CAPN15: variants seen among roughly 807,000 people sequenced by gnomAD.
CAPN15 encodes calpain 15, also known as calpain-15.
CAPN15 carries 53 observed loss-of-function variants against 97.9 expected under a neutral mutation model. The ratio of observed to expected loss-of-function variants is 0.54; its 90% CI spans 0.43 to 0.68. The LOEUF (loss-of-function observed/expected upper bound fraction) is 0.68. CAPN15 is among the 30% of genes least tolerant of loss of function. CAPN15 has a pLI of 0.00. For synonymous variants in CAPN15, 922 were observed against 722.5 expected (o/e 1.28, Z -4.43); for missense variants, 1,592 against 1,589.8 (o/e 1.00, Z -0.02).
intron 3 of CAPN15, chr16:538,337 G>A (rs944251388): frequency 9.9e-5 from 15 of 151,804 alleles, no homozygotes; most frequent in Admixed American, 2.6e-4. Context: ...AAATGTAAAA[G>A]CCATTGTTGA....
chr16:552,566 C>T lies in CAPN15; in HGVS notation c.2737+36C>T, dbSNP rs765990768. On this transcript the variant is annotated intron_variant, in intron 11 of 13. Transcript: ENST00000219611. This position sits in a 1 kb window ranked among gnomAD's most constrained non-coding sequence, Gnocchi z 6.4. ...CCTACCCCAGGCTCATGCCCCAGGC[C>T]CACGGGGAGGGCTGCGGTTCACACG... 2.0e-5 allele frequency: 32 copies of T among 1,567,872 alleles called. No homozygotes were observed. The highest frequency in any genetic ancestry group is 2.8e-5 in the Non-Finnish European group (32 of 1,160,222).
rs545798516 is a variant in CAPN15 at position 549,136 on chromosome 16, C to T, written c.1593C>T (p.Ala531=). ...INCSVFRDHR[A]TWSVFHTLRP... is the part of the protein sequence containing the mutation. ...GCTCCGTCTTCAGGGACCACAGGGCCACGTGGTCTGTGTTCCACACACTGC... is the reference window on the plus strand; with the variant it reads ...GCTCCGTCTTCAGGGACCACAGGGCTACGTGGTCTGTGTTCCACACACTGC... The change falls in exon 5 of 14, where the codon GCC becomes GCT. Residue 531 remains alanine, a synonymous_variant. Transcript: ENST00000219611. 10 of 1,610,682 alleles carry T rather than the reference C, an allele frequency of 6.2e-6. No individual in the cohort carries two copies. In the South Asian group the frequency reaches 7.7e-5, roughly 12 times the overall value.
chr16:539,140 C>G (rs1039787026), intron 3 of CAPN15: 5 of 152,326 alleles, frequency 3.3e-5, no homozygotes, highest in Non-Finnish European at 7.3e-5. Flanking sequence ...TCAGGTGATC[C>G]CCCACGCACG....
rs2142048660 is a variant in CAPN15 at position 549,037 on chromosome 16, G to A, written c.1494G>A (p.Glu498=). The change falls in exon 5 of 14, where the codon GAG becomes GAA. Residue 498 remains glutamate, a synonymous_variant. Coordinates refer to ENST00000219611, the MANE Select transcript of CAPN15 (RefSeq NM_005632.3). ...ATGACAGCTTCCCTCCCGGGCCCGA[G>A]TCTGTCGGCTTCCCCGCGGGTGACA... is the stretch of plus-strand genomic sequence containing the variant. ...FVDDSFPPGP[E]SVGFPAGDSV... 2 of 1,612,780 alleles carry A rather than the reference G, an allele frequency of 1.2e-6. No individual in the cohort carries two copies. Among genetic ancestry groups the A allele is most frequent in the Non-Finnish European group, 1.7e-6 (2 of 1,179,932 alleles).
chr16:529,862 G>A (rs1030534941), intron 1 of CAPN15, among the ~76,000 whole-genome samples: 1 of 152,198 alleles, frequency 6.6e-6, no homozygotes. Flanking sequence ...CAGGAGACAC[G>A]GAGGGTGGGC....
intron 2 of CAPN15, among the ~76,000 whole-genome samples, chr16:534,232 A>AGGCGACGGTGAGGGCGGCCC (rs1491120895): frequency 3.3e-3 from 130 of 39,906 alleles, no homozygotes; most frequent in East Asian, 0.014. Flanking sequence ...GGGTCCCGAC[A>AGGCGACGGTGAGGGCGGCCC]GGGGTGTTTG....
Position 547,978 on chromosome 16 carries a change from C to G in CAPN15, c.1140C>G (p.His380Gln). ...AGGAGCATGGCGAGCCCCCCACCCA[C>G]TGCCCCGACTGTGGGGCCGACAAGC... ...GFQEHGEPPT[H>Q]CPDCGADKPS... The change falls in exon 4 of 14, where the codon CAC becomes CAG. Residue 380 changes from histidine to glutamine, a missense_variant. This residue lies in a region of CAPN15 where 883 missense variants were observed against 776.6 expected (regional missense o/e 1.14). Transcript: ENST00000219611. The G allele has an allele frequency of 6.3e-7, 1 of 1,582,340 alleles. No homozygotes were observed. The highest frequency in any genetic ancestry group is 8.6e-7 in the Non-Finnish European group (1 of 1,166,170).
chr16:548,400 G>C, intron 4 of CAPN15, 113 bp downstream of exon 4: 1 of 1,093,138 alleles, frequency 9.1e-7, no homozygotes. Context: ...GGCCTAAGAC[G>C]TGATGGGGAG....
chr16:540,592 C>T (rs560968757), intron 3 of CAPN15, among the ~76,000 whole-genome samples: 3 of 152,344 alleles, frequency 2.0e-5, no homozygotes, highest in East Asian at 1.9e-4. Flanking sequence ...CGCCCAATCC[C>T]GGCGGCCCTG....
rs139655944 is a variant in CAPN15, at chr16:551,650, C to T, written c.2331C>T (p.Tyr777=). The change falls in exon 9 of 14, where the codon TAC becomes TAT. Residue 777 remains tyrosine (Y), a synonymous_variant. Transcript: ENST00000219611. The part of the protein sequence containing the change: ...GSSEGVFWME[Y]GDFVRYFDSV... ...GTGAGGGTGTCTTCTGGATGGAGTACGGCGACTTTGTCAGGTATCGGCACC... is the reference window on the plus strand; with the variant it reads ...GTGAGGGTGTCTTCTGGATGGAGTATGGCGACTTTGTCAGGTATCGGCACC... 4.0e-4 allele frequency: 641 copies of T among 1,593,558 alleles called. No homozygotes were observed. The highest frequency in any genetic ancestry group is 8.3e-4 in the Middle Eastern group (5 of 6,052).
rs1357867635 is a variant in CAPN15, at chr16:549,220, C to T, written c.1658+19C>T. 9.8e-6 allele frequency: 1 copy of T among 102,106 alleles called. No homozygotes were observed. The highest frequency in any genetic ancestry group is 1.8e-5 in the Non-Finnish European group (1 of 56,500). 6.3% of individuals were successfully genotyped at this position (102,106 alleles called of 1,614,324 possible). ...ACTGCTGGTGAGGCCTTCTCCAAGGCCGGGGTGGGGCGGGTGGGCGGGCGA... is the reference window on the plus strand; with the variant it reads ...ACTGCTGGTGAGGCCTTCTCCAAGGTCGGGGTGGGGCGGGTGGGCGGGCGA... On this transcript the variant is annotated intron_variant, in intron 5 of 13. Transcript: ENST00000219611.
Position 552,904 on chromosome 16 carries a change from G to A in CAPN15, c.2946G>A (p.Trp982Ter). The A allele has an allele frequency of 6.2e-7, 1 of 1,611,194 alleles. No individual in the cohort carries two copies. Residue 982 changes from tryptophan to a stop codon, truncating the protein, a stop_gained, in exon 13 of 14, where the codon TGG becomes TGA. Coordinates refer to ENST00000219611, the MANE Select transcript of CAPN15 (RefSeq NM_005632.3). LOFTEE classifies it high-confidence loss of function. This position sits in a 1 kb window ranked among gnomAD's most constrained non-coding sequence, Gnocchi z 6.4. ...GMTCYYLTHG[W>*]AGLIVVVENR... ...CCTGCTACTACCTGACACACGGTTG[G>A]GCGGGGCTCATCGTGGTGGTGGAGA...
chr16:537,366 G>C (rs987894990), intron 3 of CAPN15: 8 of 985,638 alleles, frequency 8.1e-6, no homozygotes, highest in Non-Finnish European at 9.6e-6. Flanking sequence ...AAAGGCATCA[G>C]TGAGGAGCAG....
chr16:552,516 C>G lies in CAPN15; in HGVS notation c.2723C>G (p.Thr908Ser). 6.2e-7 allele frequency: 1 copy of G among 1,602,286 alleles called. No individual in the cohort carries two copies. The highest frequency in any genetic ancestry group is 2.2e-5 in the East Asian group (1 of 44,736). The change falls in exon 11 of 14, where the codon ACC becomes AGC. Residue 908 changes from threonine to serine, a missense_variant. By Grantham distance (58) the Thr-to-Ser change is moderately conservative. Transcript: ENST00000219611. This position sits in a 1 kb window ranked among gnomAD's most constrained non-coding sequence, Gnocchi z 6.4. ...FNHWGPPLPG[T>S]PAPQASSPSA... ...CACTGGGGGCCGCCCCTGCCGGGCACCCCTGCCCCCCAGGGTACGTGGCCC... is the reference window on the plus strand; with the variant it reads ...CACTGGGGGCCGCCCCTGCCGGGCAGCCCTGCCCCCCAGGGTACGTGGCCC...
At chr16:534,260 C>T (rs938592221) in intron 2 of CAPN15, among the ~76,000 whole-genome samples, 7 of 152,192 alleles carry the variant, frequency 4.6e-5, no homozygotes, top group Admixed American at 6.5e-5. Flanking sequence ...GGGGACCTCC[C>T]CTGTGCTGTG....
At chr16:530,552 T>C (rs2033177364) in intron 1 of CAPN15, among the ~76,000 whole-genome samples, 2 of 152,208 alleles carry the variant, frequency 1.3e-5, no homozygotes, top group Non-Finnish European at 2.9e-5. Flanking sequence ...GCAGGGAGGC[T>C]GTGGGTTGGG....
At chr16:551,281 G>T in intron 7 of CAPN15, 21 bp from the exon 8 acceptor site, 1 of 1,572,880 alleles carries the variant, frequency 6.4e-7, no homozygotes. Flanking sequence ...CCCGGTCGGT[G>T]AGGGCCGCTC....
intron 4 of CAPN15, 87 bp downstream of exon 4, chr16:548,374 G>A (rs2034749275): frequency 1.5e-6 from 2 of 1,302,440 alleles, no homozygotes; most frequent in Non-Finnish European, 2.0e-6. Flanking sequence ...GCGATGGGCT[G>A]GGGAGGAGCC....
intron 2 of CAPN15, among the ~76,000 whole-genome samples, chr16:534,393 G>A (rs952460912): frequency 9.2e-5 from 14 of 152,352 alleles, no homozygotes; most frequent in East Asian, 5.8e-4. Flanking sequence ...CCTGGGGAGC[G>A]GCCTGCACCT....
Sources: gnomAD v4.1 joint callset for allele counts (sites outside exome capture counted in the v4.1 genomes callset) on GRCh38, gnomAD v4.1.1 for gene constraint, gnomAD v4.1.1 regional missense constraint, Gnocchi (gnomAD v3.1) non-coding constraint, MANE v1.5 for transcripts, NCBI Gene and HGNC (gene_info 2026-07-23, HGNC 2026-07-21) for gene names.